The following PLCXD3 variants were observed in gnomAD, a reference collection of about 807,000 sequenced individuals.
The protein encoded by PLCXD3 is phosphatidylinositol specific phospholipase C X domain containing 3, also known as PI-PLC X domain-containing protein 3.
PLCXD3 carries 19 observed loss-of-function variants against 25.5 expected under a neutral mutation model. The observed-to-expected ratio is 0.75, with a 90% CI of 0.52 to 1.09. PLCXD3 has a LOEUF of 1.09. Ranked by LOEUF, PLCXD3 falls within the 50% of genes least tolerant of loss-of-function variation. PLCXD3 has a pLI of 0.00. For missense variants in PLCXD3, 411 were observed against 388.1 expected (o/e 1.06, Z -0.50); for synonymous variants, 174 against 137.6 (o/e 1.26, Z -1.85).
rs58098437 is a variant in PLCXD3, at chr5:41,465,353, C to CTTTTTTTTTTTTTTT, written c.103+45056_103+45070dup. ...TCCTACTTTCCCCACTAGTTCTTGT[C>CTTTTTTTTTTTTTTT]TTTTTTTTTTTTTTTTTTTTTTTTT... On this transcript the variant is annotated intron_variant, in intron 1 of 2. Transcript: ENST00000377801. Among the ~76,000 whole-genome samples, 34 of 13,232 alleles carry CTTTTTTTTTTTTTTT rather than the reference C, an allele frequency of 2.6e-3. 7 individuals carry two copies. Among genetic ancestry groups the CTTTTTTTTTTTTTTT allele is most frequent in the Non-Finnish European group, 3.9e-3 (29 of 7,446 alleles). 8.7% of individuals were successfully genotyped at this position (13,232 alleles called of 152,430 possible). A position where few individuals can be genotyped will look rare whatever the true frequency, so the allele number is the denominator to read the frequency against.
intron 1 of PLCXD3, among the ~76,000 whole-genome samples, chr5:41,478,608 A>G (rs1235138032): frequency 6.6e-6 from 1 of 152,214 alleles, no homozygotes; most frequent in Non-Finnish European, 1.5e-5. Context: ...CTCAGAGACT[A>G]TTTACTTCTG....
intron 1 of PLCXD3, among the ~76,000 whole-genome samples, chr5:41,483,097 TA>T (rs1748447106): frequency 6.6e-6 from 1 of 152,232 alleles, no homozygotes; most frequent in African/African-American, 2.4e-5. Flanking sequence ...AAGTTCATTT[TA>T]AGATCAGTTT....
At chr5:41,508,964 G>T (rs1288693715) in intron 1 of PLCXD3, among the ~76,000 whole-genome samples, 1 of 152,132 alleles carries the variant, frequency 6.6e-6, no homozygotes, top group African/African-American at 2.4e-5. Flanking sequence ...GGAGATTCCT[G>T]GCCGGTAGCA....
At chr5:41,492,386 C>A (rs1455021360) in intron 1 of PLCXD3, among the ~76,000 whole-genome samples, 8 of 152,058 alleles carry the variant, frequency 5.3e-5, no homozygotes, top group African/African-American at 1.9e-4. Context: ...TTCATTTCAA[C>A]TTTGGTGAAT....
chr5:41,509,505 A>G (rs1419191607), intron 1 of PLCXD3, among the ~76,000 whole-genome samples: 1 of 152,154 alleles, frequency 6.6e-6, no homozygotes, highest in Non-Finnish European at 1.5e-5. Flanking sequence ...TCTCTGGTCC[A>G]AGTCGCACAC....
intron 2 of PLCXD3, among the ~76,000 whole-genome samples, chr5:41,361,527 A>T (rs1300697715): frequency 2.0e-5 from 3 of 152,238 alleles, no homozygotes; most frequent in African/African-American, 7.2e-5. Flanking sequence ...GCTGCAAGCT[A>T]GCCTTGCCTT....
chr5:41,323,045 G>T (rs1743522239), intron 2 of PLCXD3, among the ~76,000 whole-genome samples: 1 of 151,834 alleles, frequency 6.6e-6, no homozygotes, highest in South Asian at 2.1e-4. Context: ...GCCATAGAAA[G>T]GAATAAGATT....
chr5:41,453,213 C>T (rs770613971), intron 1 of PLCXD3, among the ~76,000 whole-genome samples: 4 of 151,876 alleles, frequency 2.6e-5, no homozygotes, highest in Non-Finnish European at 4.4e-5. Context: ...CCTTCCATGA[C>T]TTTGACATTT....
intron 2 of PLCXD3, among the ~76,000 whole-genome samples, chr5:41,324,847 A>C (rs958125920): frequency 7.9e-5 from 12 of 152,162 alleles, no homozygotes; most frequent in African/African-American, 2.7e-4. Flanking sequence ...TCACCTTGAG[A>C]GGTGAGAGGC....
chr5:41,450,155 T>A (rs1035197203), intron 1 of PLCXD3, among the ~76,000 whole-genome samples: 2 of 152,160 alleles, frequency 1.3e-5, no homozygotes, highest in South Asian at 4.1e-4. Context: ...AGAAACAAGA[T>A]CATGAGGAGC....
intron 1 of PLCXD3, among the ~76,000 whole-genome samples, chr5:41,507,512 A>T (rs868799377): frequency 1.8e-4 from 27 of 152,342 alleles, no homozygotes; most frequent in Middle Eastern, 6.8e-3. Flanking sequence ...TTGCGAGATT[A>T]CTCTGAAACC....
intron 2 of PLCXD3, among the ~76,000 whole-genome samples, chr5:41,325,137 T>C (rs942792935): frequency 1.3e-5 from 2 of 152,202 alleles, no homozygotes; most frequent in Non-Finnish European, 2.9e-5. Flanking sequence ...ATAAAATAGA[T>C]TGCTTTGAGA....
In PLCXD3 at chr5:41,449,241, T is replaced by C. The variant is rs140096612; in HGVS notation, c.103+61183A>G. On this transcript the variant is annotated intron_variant, in intron 1 of 2. Coordinates refer to ENST00000377801, the MANE Select transcript of PLCXD3 (RefSeq NM_001005473.3). ...AAAGATATTACACTCACTGATATCC[T>C]CATAGCAATTTGCATTAATGCATTT... Among the ~76,000 whole-genome samples, 6 of 152,334 alleles carry C rather than the reference T, an allele frequency of 3.9e-5. No individual in the cohort carries two copies. The East Asian group carries it at 1.2e-3, about 29-fold the overall frequency.
At position 41,347,506 on chromosome 5, in the gene PLCXD3, T is replaced by C. The variant is rs567408187; in HGVS notation, c.813-33736A>G. On this transcript the variant is annotated intron_variant, in intron 2 of 2. Coordinates refer to ENST00000377801, the MANE Select transcript of PLCXD3 (RefSeq NM_001005473.3). The stretch of plus-strand genomic sequence containing the variant: ...CACCATTCTACATTGTAACAGTGTA[T>C]TGCTCTGCCAATCTTTCTCACTTAA... Among the ~76,000 whole-genome samples, 8 of 152,348 alleles carry C rather than the reference T, an allele frequency of 5.3e-5. No homozygotes were observed. The South Asian group carries it at 1.2e-3, about 24-fold the overall frequency.
chr5:41,457,490 C>T (rs1747778908), intron 1 of PLCXD3, among the ~76,000 whole-genome samples: 1 of 151,836 alleles, frequency 6.6e-6, no homozygotes, highest in Non-Finnish European at 1.5e-5. Context: ...CCCAGGAGTA[C>T]ACCCTTCCCC....
intron 2 of PLCXD3, among the ~76,000 whole-genome samples, chr5:41,321,042 A>G (rs1346645646): frequency 6.6e-6 from 1 of 152,214 alleles, no homozygotes; most frequent in Non-Finnish European, 1.5e-5. Flanking sequence ...CTGGCACATG[A>G]CAAGGATGCC....
At chr5:41,402,955 CAAT>C (rs1746230247) in intron 1 of PLCXD3, among the ~76,000 whole-genome samples, 1 of 152,064 alleles carries the variant, frequency 6.6e-6, no homozygotes, top group Admixed American at 6.6e-5. Context: ...TCCAGTCTGA[CAAT>C]GTCTGCTTTT....
intron 2 of PLCXD3, among the ~76,000 whole-genome samples, chr5:41,344,657 AAATTATATG>A (rs1215681957): frequency 5.3e-4 from 80 of 152,126 alleles, no homozygotes; most frequent in Non-Finnish European, 2.1e-4. Context: ...TATGGACAAG[AAATTATATG>A]AATTACTAAA....
Position 41,468,377 on chromosome 5 carries a change from G to C in PLCXD3, c.103+42047C>G, listed in dbSNP as rs111653770. On this transcript the variant is annotated intron_variant, in intron 1 of 2. Transcript: ENST00000377801. ...TATATGGGTTTTTTTGTGGTTCCAT[G>C]CAAATTTAAGGACATTTCTCCATTT... 4.6e-3 allele frequency among the ~76,000 whole-genome samples: 704 copies of C among 152,124 alleles called. 2 individuals are homozygous for C. The highest frequency in any genetic ancestry group is 7.7e-3 in the Non-Finnish European group (523 of 67,980).
Sources: gnomAD v4.1 joint callset for allele counts (sites outside exome capture counted in the v4.1 genomes callset) on GRCh38, gnomAD v4.1.1 for gene constraint, MANE v1.5 for transcripts, NCBI Gene and HGNC (gene_info 2026-07-23, HGNC 2026-07-21) for gene names.